The following EPB41L2 variants were observed in gnomAD, a reference collection of about 807,000 sequenced individuals.
EPB41L2 encodes the protein erythrocyte membrane protein band 4.1 like 2.
Under a neutral mutation model 113.0 loss-of-function variants are expected in EPB41L2, and 43 were observed. The observed-to-expected ratio is 0.38, with a 90% CI of 0.30 to 0.49. The LOEUF (loss-of-function observed/expected upper bound fraction) is 0.49. Ranked by LOEUF, EPB41L2 falls within the 20% of genes least tolerant of loss-of-function variation. The pLI, the probability that EPB41L2 is intolerant of heterozygous loss-of-function variation, is 0.95. For missense variants in EPB41L2, 1,147 were observed against 1,223.4 expected (o/e 0.94, Z 0.93); for synonymous variants, 442 against 436.7 (o/e 1.01, Z -0.15).
At chr6:131,050,854 A>G (rs2128196617) in intron 1 of EPB41L2, among the ~76,000 whole-genome samples, 1 of 152,310 alleles carries the variant, frequency 6.6e-6, no homozygotes, top group South Asian at 2.1e-4. Flanking sequence ...TTGGCCTCCC[A>G]AAGTGCTGGG....
intron 16 of EPB41L2, among the ~76,000 whole-genome samples, chr6:130,866,395 G>A (rs947281140): frequency 3.3e-5 from 5 of 152,174 alleles, no homozygotes; most frequent in Admixed American, 6.5e-5. Context: ...ACACTGACAC[G>A]AGGAAATAAC....
rs753806085 is a variant in EPB41L2, at chr6:130,865,598, G to C, written c.2767C>G (p.Leu923Val). 1 of 1,614,086 alleles carries C rather than the reference G, an allele frequency of 6.2e-7. No individual in the cohort carries two copies. The highest frequency in any genetic ancestry group is 1.6e-4 in the Middle Eastern group (1 of 6,084). ...TCAGATGTGATGGTTTGTGCGGTCA[G>C]TAACGTGCCCGAATCACCACCAGCC... ...GGAGGDSGTLLTAQTITSESV... is the reference protein window; with the variant it reads ...GGAGGDSGTLVTAQTITSESV... The change falls in exon 17 of 20, where the codon CTG becomes GTG. Residue 923 changes from leucine to valine, a missense_variant. Leu to Val is a conservative substitution (Grantham distance 32, BLOSUM62 1). Coordinates refer to ENST00000337057, the MANE Select transcript of EPB41L2 (RefSeq NM_001431.4).
intron 4 of EPB41L2, among the ~76,000 whole-genome samples, chr6:130,918,773 A>C (rs1801933280): frequency 6.6e-6 from 1 of 152,208 alleles, no homozygotes; most frequent in African/African-American, 2.4e-5. Context: ...TTGAATTAAG[A>C]ATCAAAATTT....
In EPB41L2 at chr6:130,839,422, C is replaced by T. The variant is rs1467427901; in HGVS notation, c.*1182G>A. On this transcript the variant is annotated 3_prime_UTR_variant, in exon 20 of 20. Transcript: ENST00000337057. ...TATCATTTAATACAACTTGAGGCTGCTATAAATCTAATCTGGCATCGTAAC... is the reference window on the plus strand; with the variant it reads ...TATCATTTAATACAACTTGAGGCTGTTATAAATCTAATCTGGCATCGTAAC... The T allele has an allele frequency of 6.6e-6, 1 of 152,086 alleles. No homozygotes were observed. 9.4% of individuals were successfully genotyped at this position (152,086 alleles called of 1,614,324 possible). A position where few individuals can be genotyped will look rare whatever the true frequency, so the allele number is the denominator to read the frequency against.
intron 12 of EPB41L2, among the ~76,000 whole-genome samples, chr6:130,884,871 G>T (rs1006135808): frequency 6.6e-6 from 1 of 152,102 alleles, no homozygotes; most frequent in African/African-American, 2.4e-5. Context: ...AGTCAAAAAG[G>T]CCAGTAAATT....
At chr6:131,062,581 C>T (rs1798891668) in intron 1 of EPB41L2, 1 of 151,238 alleles carries the variant, frequency 6.6e-6, no homozygotes, top group Admixed American at 6.6e-5. Flanking sequence ...GCGCGTGGGG[C>T]TGGCGCGCCG....
At chr6:130,934,049 A>G (rs954306388) in intron 3 of EPB41L2, among the ~76,000 whole-genome samples, 1 of 152,254 alleles carries the variant, frequency 6.6e-6, no homozygotes, top group Admixed American at 6.5e-5. Flanking sequence ...ATAAAAGGCC[A>G]AGGAAAGAAA....
intron 12 of EPB41L2, among the ~76,000 whole-genome samples, chr6:130,884,767 T>C (rs1367210640): frequency 6.6e-6 from 1 of 152,232 alleles, no homozygotes; most frequent in Non-Finnish European, 1.5e-5. Context: ...GAAGCTACAT[T>C]TTAAATTTTA....
At chr6:131,030,341 C>T (rs1791886451) in intron 1 of EPB41L2, among the ~76,000 whole-genome samples, 1 of 152,192 alleles carries the variant, frequency 6.6e-6, no homozygotes, top group African/African-American at 2.4e-5. Context: ...GCTCAATAAA[C>T]TGGCAAATTT....
chr6:130,943,298 G>A (rs542825471), intron 3 of EPB41L2, among the ~76,000 whole-genome samples: 12 of 152,264 alleles, frequency 7.9e-5, no homozygotes, highest in African/African-American at 2.4e-4. Flanking sequence ...TCTAACTGGC[G>A]TGAGTACATA....
chr6:131,047,266 T>C (rs939403482), intron 1 of EPB41L2, among the ~76,000 whole-genome samples: 3 of 151,552 alleles, frequency 2.0e-5, no homozygotes, highest in Non-Finnish European at 4.4e-5. Context: ...AGCCCAGGAG[T>C]TCAAGGCTGT....
At chr6:131,005,596 C>A (rs943842656) in intron 1 of EPB41L2, among the ~76,000 whole-genome samples, 1 of 152,170 alleles carries the variant, frequency 6.6e-6, no homozygotes, top group African/African-American at 2.4e-5. Flanking sequence ...TTAGTTATTA[C>A]CCATATTCCT....
At chr6:130,946,413 G>A (rs1197794346) in intron 3 of EPB41L2, among the ~76,000 whole-genome samples, 1 of 152,008 alleles carries the variant, frequency 6.6e-6, no homozygotes, top group Non-Finnish European at 1.5e-5. Context: ...AAAATTCTGT[G>A]TGGCATAAAA....
At chr6:130,975,272 A>G (rs1777943304) in intron 1 of EPB41L2, among the ~76,000 whole-genome samples, 1 of 152,222 alleles carries the variant, frequency 6.6e-6, no homozygotes. Flanking sequence ...TTTCATTAAA[A>G]CAGGAAATTA....
intron 1 of EPB41L2, among the ~76,000 whole-genome samples, chr6:131,008,055 A>G (rs1269448238): frequency 6.6e-6 from 1 of 152,268 alleles, no homozygotes; most frequent in East Asian, 1.9e-4. Context: ...CCAAATGTTA[A>G]TCCCAAGACA....
intron 19 of EPB41L2, among the ~76,000 whole-genome samples, chr6:130,842,319 TAGAA>T (rs1775769683): frequency 1.3e-5 from 2 of 151,882 alleles, no homozygotes; most frequent in African/African-American, 4.8e-5. Flanking sequence ...ATGGAGAAAA[TAGAA>T]AGTCTTTTTT....
intron 1 of EPB41L2, among the ~76,000 whole-genome samples, chr6:131,003,940 T>TA (rs762973784): frequency 2.0e-5 from 3 of 152,164 alleles, no homozygotes; most frequent in Non-Finnish European, 4.4e-5. Context: ...CTGTTGAACA[T>TA]AAAACACACT....
rs568355795 is a variant in EPB41L2 at position 130,958,344 on chromosome 6, C to T, written c.-14-1845G>A. Among the ~76,000 whole-genome samples, 5 of 151,882 alleles carry T rather than the reference C, an allele frequency of 3.3e-5. No individual in the cohort carries two copies. In the South Asian group the frequency reaches 6.3e-4, roughly 19 times the overall value. On this transcript the variant is annotated intron_variant, in intron 1 of 19. Coordinates refer to ENST00000337057, the MANE Select transcript of EPB41L2 (RefSeq NM_001431.4). The stretch of plus-strand genomic sequence containing the variant: ...GCACGTCTCTGTAATCCCAGCTACT[C>T]GGAAGGCTGAGGCAAGAGAATAGCT...
intron 3 of EPB41L2, among the ~76,000 whole-genome samples, chr6:130,953,189 A>G (rs754522645): frequency 1.3e-5 from 2 of 151,940 alleles, no homozygotes; most frequent in Non-Finnish European, 1.5e-5. Flanking sequence ...ACATGCAATC[A>G]AATATAATGT....
Sources: allele counts gnomAD v4.1 joint callset (sites outside exome capture counted in the v4.1 genomes callset), GRCh38; gene constraint gnomAD v4.1.1; transcripts MANE v1.5; gene names NCBI Gene and HGNC (gene_info 2026-07-23, HGNC 2026-07-21).